Variants in AP4E1 observed in about 807,000 individuals in gnomAD.
AP4E1 encodes the protein AP-4 complex subunit epsilon-1.
A neutral mutation model predicts 128.2 loss-of-function variants in AP4E1; 56 were observed. The observed-to-expected ratio is 0.44, with a 90% CI of 0.35 to 0.55. The LOEUF (loss-of-function observed/expected upper bound fraction) is 0.55. Among genes scored for constraint, AP4E1 ranks in the 20% least tolerant of loss-of-function variants. AP4E1 has a pLI of 0.00. For missense variants in AP4E1, 1,324 were observed against 1,307.7 expected (o/e 1.01, Z -0.19); for synonymous variants, 484 against 473.1 (o/e 1.02, Z -0.30).
intron 1 of AP4E1, among the ~76,000 whole-genome samples, chr15:50,910,966 G>C (rs775521523): frequency 3.9e-5 from 6 of 152,212 alleles, no homozygotes; most frequent in Non-Finnish European, 8.8e-5. Flanking sequence ...CTGGCCATTT[G>C]TGGCCTTAAT....
At chr15:50,962,825 T>C (rs553228259) in intron 14 of AP4E1, among the ~76,000 whole-genome samples, 1 of 131,144 alleles carries the variant, frequency 7.6e-6, no homozygotes, top group East Asian at 2.2e-4. Flanking sequence ...ATCTGTAGAC[T>C]GGGGAAAAAT....
At chr15:50,968,083 G>T (rs1014925035) in intron 14 of AP4E1, among the ~76,000 whole-genome samples, 180 bp from the exon 15 acceptor site, 1 of 152,202 alleles carries the variant, frequency 6.6e-6, no homozygotes. Context: ...GCCTTCCAAA[G>T]TTCTGGGATT....
chr15:50,927,597 G>A (rs1352402478), intron 5 of AP4E1, among the ~76,000 whole-genome samples: 1 of 148,528 alleles, frequency 6.7e-6, no homozygotes, highest in Non-Finnish European at 1.5e-5. Flanking sequence ...GCAATACACT[G>A]TGACGTGGCT....
chr15:50,954,802 G>A (rs939974157), intron 13 of AP4E1, among the ~76,000 whole-genome samples: 7 of 152,036 alleles, frequency 4.6e-5, no homozygotes, highest in South Asian at 2.1e-4. Flanking sequence ...CCATTAACTC[G>A]TCATTTACAT....
At chr15:50,949,716 A>G (rs1183830341) in intron 11 of AP4E1, 110 bp from the exon 12 acceptor site, 1 of 834,012 alleles carries the variant, frequency 1.2e-6, no homozygotes, top group Non-Finnish European at 2.0e-6. Flanking sequence ...GGTTAAAGGT[A>G]AAACTGCCAT....
chr15:50,956,857 C>T (rs1211157111), intron 13 of AP4E1, among the ~76,000 whole-genome samples: 13 of 152,156 alleles, frequency 8.5e-5, no homozygotes, highest in Admixed American at 8.5e-4. Context: ...TCCCCTTGAC[C>T]CCTTTGTGGG....
intron 1 of AP4E1, among the ~76,000 whole-genome samples, chr15:50,909,980 C>T (rs935402485): frequency 2.7e-5 from 4 of 145,526 alleles, no homozygotes; most frequent in Non-Finnish European, 6.0e-5. Context: ...CTACCCTGCC[C>T]GGCCTTAAAA....
upstream of AP4E1, among the ~76,000 whole-genome samples, chr15:50,908,071 T>C (rs563814576): frequency 2.4e-4 from 36 of 152,120 alleles, no homozygotes; most frequent in South Asian, 7.5e-3. Flanking sequence ...TCGGCAAGGG[T>C]GGCCGCCGAC....
intron 16 of AP4E1, among the ~76,000 whole-genome samples, chr15:50,992,142 A>G (rs1453287692): frequency 6.6e-6 from 1 of 152,114 alleles, no homozygotes; most frequent in Non-Finnish European, 1.5e-5. Flanking sequence ...AAACTTTCCA[A>G]CAAACCATGT....
intron 13 of AP4E1, among the ~76,000 whole-genome samples, chr15:50,951,153 G>A (rs1169614663): frequency 6.6e-6 from 1 of 152,222 alleles, no homozygotes; most frequent in African/African-American, 2.4e-5. Flanking sequence ...TGGCTTAGCT[G>A]GGTTCTCTGA....
At position 50,964,623 on chromosome 15, in the gene AP4E1, G is replaced by A. The variant is rs114933369; in HGVS notation, c.1852-3640G>A. ...GTTCTAAGTTTATAGATTCCTTTTA[G>A]TAGGGAAAGACCTCTCCCTGTAGAT... On this transcript the variant is annotated intron_variant, in intron 14 of 20. Coordinates refer to ENST00000261842, the MANE Select transcript of AP4E1 (RefSeq NM_007347.5). Among the ~76,000 whole-genome samples the A allele has an allele frequency of 4.9e-3, 739 of 152,038 alleles. 6 individuals are homozygous for A. The highest frequency in any genetic ancestry group is 0.017 in the African/African-American group (716 of 41,464).
intron 8 of AP4E1, among the ~76,000 whole-genome samples, chr15:50,935,462 C>T (rs1453855308): frequency 6.6e-6 from 1 of 152,046 alleles, no homozygotes; most frequent in Non-Finnish European, 1.5e-5. Flanking sequence ...GCCAAAAAAA[C>T]TTCCAATTTT....
At chr15:50,984,849 T>A (rs2064695751) in intron 16 of AP4E1, among the ~76,000 whole-genome samples, 2 of 152,052 alleles carry the variant, frequency 1.3e-5, no homozygotes, top group Non-Finnish European at 2.9e-5. Context: ...GGTCAAATGG[T>A]ATTTCTAGTT....
intron 8 of AP4E1, among the ~76,000 whole-genome samples, chr15:50,938,006 C>G (rs1465518816): frequency 6.6e-6 from 1 of 151,920 alleles, no homozygotes; most frequent in African/African-American, 2.4e-5. Flanking sequence ...GGGACAAAAG[C>G]CATCAAAAGT....
chr15:50,942,571 A>C (rs191895089), intron 10 of AP4E1, among the ~76,000 whole-genome samples: 8 of 150,792 alleles, frequency 5.3e-5, no homozygotes, highest in African/African-American at 1.9e-4. Flanking sequence ...TTGGAAGGAA[A>C]GGCTTAATAA....
At chr15:50,950,733 C>T (rs1460758236) in intron 13 of AP4E1, among the ~76,000 whole-genome samples, 2 of 152,138 alleles carry the variant, frequency 1.3e-5, no homozygotes, top group African/African-American at 4.8e-5. Flanking sequence ...GGTATTAAGA[C>T]TAGTACACAA....
chr15:50,944,888 A>G (rs1020146779), intron 10 of AP4E1: 4 of 816,430 alleles, frequency 4.9e-6, no homozygotes, highest in Non-Finnish European at 8.4e-6. Flanking sequence ...CAAAGCATCC[A>G]AAGAACCTGG....
intron 1 of AP4E1, among the ~76,000 whole-genome samples, chr15:50,910,089 C>A (rs1027113472): frequency 6.6e-6 from 1 of 152,186 alleles, no homozygotes; most frequent in African/African-American, 2.4e-5. Flanking sequence ...CGGGTTCAAG[C>A]GATTCTCCTG....
chr15:50,933,955 G>A (rs923612515), intron 7 of AP4E1, among the ~76,000 whole-genome samples: 4 of 151,840 alleles, frequency 2.6e-5, no homozygotes, highest in African/African-American at 9.7e-5. Flanking sequence ...AGAAGCTATA[G>A]TTTTTCACAT....
Sources: allele counts gnomAD v4.1 joint callset (sites outside exome capture counted in the v4.1 genomes callset), GRCh38; gene constraint gnomAD v4.1.1; transcripts MANE v1.5; gene names NCBI Gene and HGNC (gene_info 2026-07-23, HGNC 2026-07-21).